Variants in NAA15 observed in about 807,000 individuals in gnomAD.
NAA15 encodes the protein N-terminal acetyltransferase.
NAA15 carries 34 observed loss-of-function variants against 114.0 expected under a neutral mutation model. The ratio of observed to expected loss-of-function variants is 0.30; its 90% CI spans 0.23 to 0.40. The LOEUF is 0.40. NAA15 is among the 10% of genes least tolerant of loss of function. The probability of loss-of-function intolerance (pLI) is 1.00; values close to 1 mark genes in which losing one functional copy is unlikely to be tolerated. For missense variants in NAA15, 658 were observed against 1,004.5 expected (o/e 0.66, Z 4.66); for synonymous variants, 340 against 338.0 (o/e 1.01, Z -0.06).
At chr4:139,361,015 CTT>C (rs1403441079) in intron 13 of NAA15, among the ~76,000 whole-genome samples, 8 of 152,100 alleles carry the variant, frequency 5.3e-5, no homozygotes, top group Non-Finnish European at 1.0e-4. Flanking sequence ...TGTTGGAAGA[CTT>C]TTCACAATAT....
Position 139,334,248 on chromosome 4 carries a change from A to G in NAA15, c.129A>G (p.Ala43=). ...CKQILSNPKF[A]EHGETLAMKG... is the part of the protein sequence containing the mutation. ...AAATACTTTCTAATCCCAAATTTGC[A>G]GAGCATGGAGGTAAGTGCAAGTAGA... The change falls in exon 2 of 20, where the codon GCA becomes GCG. Residue 43 remains alanine (A), a synonymous_variant. Coordinates refer to ENST00000296543, the MANE Select transcript of NAA15 (RefSeq NM_057175.5). The G allele has an allele frequency of 6.3e-7, 1 of 1,599,288 alleles. No individual in the cohort carries two copies. The highest frequency in any genetic ancestry group is 8.5e-7 in the Non-Finnish European group (1 of 1,173,352).
chr4:139,354,181 T>C, intron 10 of NAA15, 83 bp downstream of exon 10: 2 of 1,133,140 alleles, frequency 1.8e-6, no homozygotes, highest in Non-Finnish European at 2.6e-6. Context: ...GTCAGTATTA[T>C]TACTTAGGCA....
intron 6 of NAA15, among the ~76,000 whole-genome samples, chr4:139,345,622 T>A (rs1023747830): frequency 1.3e-5 from 2 of 152,112 alleles, no homozygotes; most frequent in African/African-American, 4.8e-5. Context: ...ACATCAAGTC[T>A]ATTTAAAAGA....
At chr4:139,351,369 A>G (rs1747773328) in intron 8 of NAA15, 83 bp downstream of exon 8, 17 of 1,098,570 alleles carry the variant, frequency 1.5e-5, no homozygotes, top group Non-Finnish European at 2.2e-5. Flanking sequence ...GAGTATGCAT[A>G]TTAAGTTTAA....
chr4:139,320,955 T>G (rs1746577995), intron 1 of NAA15, among the ~76,000 whole-genome samples: 1 of 152,166 alleles, frequency 6.6e-6, no homozygotes, highest in Admixed American at 6.6e-5. Flanking sequence ...CCAGCCACCT[T>G]CTTTTTATCC....
intron 1 of NAA15, among the ~76,000 whole-genome samples, chr4:139,307,383 C>T (rs1333888931): frequency 1.3e-5 from 2 of 152,204 alleles, no homozygotes; most frequent in Non-Finnish European, 2.9e-5. Context: ...ATCCTCCTAG[C>T]TCAGTCTCCC....
At chr4:139,370,821 GGTAACAT>G (rs1446919843) in intron 15 of NAA15, among the ~76,000 whole-genome samples, 1 of 152,164 alleles carries the variant, frequency 6.6e-6, no homozygotes, top group Admixed American at 6.5e-5. Context: ...CTGTTACAGT[GGTAACAT>G]GCAAGTTTTT....
chr4:139,383,879 CT>C (rs1457420307), intron 17 of NAA15, among the ~76,000 whole-genome samples: 1 of 152,132 alleles, frequency 6.6e-6, no homozygotes, highest in Non-Finnish European at 1.5e-5. Flanking sequence ...ACCATGTTTT[CT>C]TTTGTTTTTA....
chr4:139,384,034 G>A (rs1748824594), intron 17 of NAA15, among the ~76,000 whole-genome samples: 1 of 152,200 alleles, frequency 6.6e-6, no homozygotes, highest in Non-Finnish European at 1.5e-5. Flanking sequence ...TTAAGGTTGA[G>A]GGGGCAGCTC....
intron 1 of NAA15, among the ~76,000 whole-genome samples, chr4:139,316,209 T>C (rs923930796): frequency 6.6e-6 from 1 of 151,948 alleles, no homozygotes; most frequent in African/African-American, 2.4e-5. Flanking sequence ...AATTTTTACA[T>C]GTTTAAATTG....
chr4:139,340,189 G>T (rs1579106155), intron 3 of NAA15, among the ~76,000 whole-genome samples: 1 of 152,092 alleles, frequency 6.6e-6, no homozygotes, highest in Non-Finnish European at 1.5e-5. Flanking sequence ...TGGCATGCTG[G>T]TGTGTGCCTG....
chr4:139,386,310 C>T, intron 19 of NAA15, 80 bp downstream of exon 19: 3 of 717,078 alleles, frequency 4.2e-6, no homozygotes, highest in South Asian at 2.0e-5. Context: ...TATTTATACA[C>T]ACTGTTTTTT....
At chr4:139,305,463 C>G (rs1304973339) in intron 1 of NAA15, among the ~76,000 whole-genome samples, 1 of 145,686 alleles carries the variant, frequency 6.9e-6, no homozygotes, top group East Asian at 2.0e-4. Context: ...TTTGCCCGGT[C>G]TGATAAAGGA....
intron 1 of NAA15, chr4:139,302,556 GC>G (rs2110806542): frequency 6.6e-6 from 1 of 152,350 alleles, no homozygotes; most frequent in Admixed American, 6.5e-5. Context: ...GGGAGGTGGG[GC>G]CCATTGCGAG....
intron 1 of NAA15, among the ~76,000 whole-genome samples, chr4:139,309,650 A>G (rs982020517): frequency 2.0e-5 from 3 of 152,172 alleles, no homozygotes; most frequent in Admixed American, 6.6e-5. Flanking sequence ...TTTTTGTTTT[A>G]AACTGACAGC....
chr4:139,363,698 A>T (rs1314412680), intron 14 of NAA15, among the ~76,000 whole-genome samples: 2 of 152,198 alleles, frequency 1.3e-5, no homozygotes, highest in African/African-American at 4.8e-5. Flanking sequence ...AGAAGTGGAA[A>T]TCGGTGGGTT....
At chr4:139,321,816 G>T (rs939150061) in intron 1 of NAA15, among the ~76,000 whole-genome samples, 1 of 151,808 alleles carries the variant, frequency 6.6e-6, no homozygotes, top group Non-Finnish European at 1.5e-5. Flanking sequence ...TTTGTGTTTT[G>T]CTTTAAATCC....
intron 3 of NAA15, among the ~76,000 whole-genome samples, chr4:139,339,037 G>A (rs1405982573): frequency 6.6e-6 from 1 of 151,014 alleles, no homozygotes; most frequent in Non-Finnish European, 1.5e-5. Context: ...TCTCGAACTC[G>A]TGACTTGAAG....
At chr4:139,306,158 C>A (rs1746004580) in intron 1 of NAA15, among the ~76,000 whole-genome samples, 2 of 152,082 alleles carry the variant, frequency 1.3e-5, no homozygotes, top group African/African-American at 4.8e-5. Context: ...AGTCAAAATG[C>A]TTGCATAATG....
Sources: allele counts gnomAD v4.1 joint callset (sites outside exome capture counted in the v4.1 genomes callset), GRCh38; gene constraint gnomAD v4.1.1; transcripts MANE v1.5; gene names NCBI Gene and HGNC (gene_info 2026-07-23, HGNC 2026-07-21).